Variants in CEACAM8 observed in about 807,000 individuals in gnomAD.
CEACAM8 encodes the protein CEA cell adhesion molecule 8.
A neutral mutation model predicts 33.4 loss-of-function variants in CEACAM8; 31 were observed. The ratio of observed to expected loss-of-function variants is 0.93; its 90% confidence interval spans 0.70 to 1.25. The LOEUF is 1.25. Among genes scored for constraint, CEACAM8 ranks in the 50% most tolerant of loss-of-function variants. The pLI, the probability that CEACAM8 is intolerant of heterozygous loss-of-function variation, is 0.00. For synonymous variants in CEACAM8, 138 were observed against 164.5 expected, an observed-to-expected ratio of 0.84 and a Z score of 1.23; for missense variants, 388 against 434.6, an observed-to-expected ratio of 0.89 and a Z score of 0.95.
chr19:42,585,313 C>CAAAAAAAAAAAAAAAAAAAAA (rs34190972), intron 4 of CEACAM8, among the ~76,000 whole-genome samples: 1 of 61,956 alleles, frequency 1.6e-5, no homozygotes, highest in African/African-American at 4.9e-5. Flanking sequence ...CTCTCTCTCT[C>CAAAAAAAAAAAAAAAAAAAAA]AAAAAAAAAA....
intron 5 of CEACAM8, chr19:42,582,988 TG>T (rs1169822424): frequency 4.5e-6 from 2 of 443,700 alleles, no homozygotes; most frequent in African/African-American, 4.1e-5. Flanking sequence ...GTATTGAATC[TG>T]GGAAACAAAT....
chr19:42,587,158 T>C (rs1301048920), intron 4 of CEACAM8, among the ~76,000 whole-genome samples: 1 of 152,220 alleles, frequency 6.6e-6, no homozygotes, highest in East Asian at 1.9e-4. Flanking sequence ...GTGTGAAATG[T>C]TATAGCCACT....
chr19:42,588,866 C>G lies in CEACAM8; in HGVS notation c.876G>C (p.Lys292Asn), dbSNP rs1306657695. ...TGTGGCAGGCATAGGATCCGCTGTTCTTTGTAGTGATGTTGGGGATAAAGA... is the reference window on the plus strand; with the variant it reads ...TGTGGCAGGCATAGGATCCGCTGTTGTTTGTAGTGATGTTGGGGATAAAGA... ...QKLFIPNITT[K>N]NSGSYACHTT... Residue 292 changes from lysine to asparagine, a missense_variant, in exon 4 of 6, where the codon AAG becomes AAC. Transcript: ENST00000244336. 6.2e-7 allele frequency: 1 copy of G among 1,613,994 alleles called. No individual in the cohort carries two copies. Among genetic ancestry groups the G allele is most frequent in the Non-Finnish European group, 8.5e-7 (1 of 1,180,022 alleles).
intron 1 of CEACAM8, among the ~76,000 whole-genome samples, chr19:42,594,527 T>C (rs749325416): frequency 1.1e-4 from 17 of 152,204 alleles, no homozygotes; most frequent in Admixed American, 6.5e-4. Context: ...TTTCAAAATG[T>C]AGTGGCCAGT....
intron 4 of CEACAM8, among the ~76,000 whole-genome samples, chr19:42,585,298 T>C (rs1284674517): frequency 7.2e-6 from 1 of 139,702 alleles, no homozygotes. Context: ...GTGAGACTCG[T>C]CTTTCTCTCT....
chr19:42,584,910 T>C (rs1338343423), intron 4 of CEACAM8, among the ~76,000 whole-genome samples: 1 of 152,180 alleles, frequency 6.6e-6, no homozygotes, highest in African/African-American at 2.4e-5. Flanking sequence ...AACCAAAAGT[T>C]GGTTCTTCAA....
intron 4 of CEACAM8, among the ~76,000 whole-genome samples, chr19:42,586,879 C>T (rs747473337): frequency 3.9e-5 from 6 of 151,994 alleles, no homozygotes; most frequent in Non-Finnish European, 8.8e-5. Context: ...TACTACAAAT[C>T]CACAACAGCA....
chr19:42,593,944 T>C (rs763714100), intron 1 of CEACAM8, 44 bp from the exon 2 acceptor site: 13 of 1,531,304 alleles, frequency 8.5e-6, no homozygotes, highest in East Asian at 4.5e-5. Flanking sequence ...AACATATGTA[T>C]TGGAGTAGAA....
chr19:42,591,526 A>G (rs1032141741), intron 2 of CEACAM8, among the ~76,000 whole-genome samples: 1 of 152,242 alleles, frequency 6.6e-6, no homozygotes, highest in Admixed American at 6.5e-5. Context: ...TCCTATGCAG[A>G]GTTAGGCAAA....
chr19:42,591,005 A>C (rs1312570427), intron 2 of CEACAM8, among the ~76,000 whole-genome samples: 1 of 152,224 alleles, frequency 6.6e-6, no homozygotes, highest in Non-Finnish European at 1.5e-5. Flanking sequence ...CCCAAATCCA[A>C]AATGCTCCAG....
intron 4 of CEACAM8, 111 bp from the exon 5 acceptor site, chr19:42,583,448 A>G (rs1313247721): frequency 1.8e-5 from 13 of 713,510 alleles, no homozygotes; most frequent in Non-Finnish European, 2.9e-5. Context: ...TTTTCAAGGA[A>G]TACATTATTT....
chr19:42,587,436 A>G (rs571299052), intron 4 of CEACAM8, among the ~76,000 whole-genome samples: 2 of 152,370 alleles, frequency 1.3e-5, no homozygotes, highest in South Asian at 4.1e-4. Context: ...ATTCTGATAC[A>G]TGGTGCAAAA....
chr19:42,582,277 T>TGTGTG (rs2042272295), intron 5 of CEACAM8, among the ~76,000 whole-genome samples: 1 of 152,136 alleles, frequency 6.6e-6, no homozygotes, highest in Non-Finnish European at 1.5e-5. Context: ...GTGATTCCAA[T>TGTGTG]GTGTGGCTAT....
At chr19:42,585,172 C>T (rs1247690299) in intron 4 of CEACAM8, among the ~76,000 whole-genome samples, 1 of 151,940 alleles carries the variant, frequency 6.6e-6, no homozygotes, top group Non-Finnish European at 1.5e-5. Flanking sequence ...ATGGTATGCA[C>T]CTGTAGTTTC....
In CEACAM8 at chr19:42,593,908, G is replaced by C. The variant is rs773490700; in HGVS notation, c.65-8C>G. 10 of 1,567,444 alleles carry C rather than the reference G, an allele frequency of 6.4e-6. No homozygotes were observed. Among genetic ancestry groups the C allele is most frequent in the African/African-American group, 2.7e-5 (2 of 73,322 alleles). On this transcript the variant is annotated splice_region_variant and splice_polypyrimidine_tract_variant and intron_variant, in intron 1 of 5. Transcript: ENST00000244336. ...AGAAGGTGAAAAGTGAGGCTAGGAGGGGGAGAGAGCATCAAGCAATATTGC... is the reference window on the plus strand; with the variant it reads ...AGAAGGTGAAAAGTGAGGCTAGGAGCGGGAGAGAGCATCAAGCAATATTGC...
chr19:42,585,606 A>G (rs983401797), intron 4 of CEACAM8, among the ~76,000 whole-genome samples: 1 of 152,214 alleles, frequency 6.6e-6, no homozygotes, highest in African/African-American at 2.4e-5. Flanking sequence ...CAATATAATA[A>G]AGGCAGTATG....
At position 42,594,742 on chromosome 19, in the gene CEACAM8, T is replaced by G. The variant is rs758241521; in HGVS notation, c.64+23A>C. ...TCACTGTGTTTCCTCCTCCTGTCCT[T>G]TCCCAGGAAGTCCTCTCCTCACCTG... On this transcript the variant is annotated intron_variant, in intron 1 of 5. Transcript: ENST00000244336. 8 of 1,592,592 alleles carry G rather than the reference T, an allele frequency of 5.0e-6. No individual in the cohort carries two copies. The Admixed American group carries it at 1.3e-4, about 27-fold the overall frequency.
chr19:42,588,593 C>A (rs1267917955), intron 4 of CEACAM8, among the ~76,000 whole-genome samples, 191 bp downstream of exon 4: 1 of 152,040 alleles, frequency 6.6e-6, no homozygotes, highest in Non-Finnish European at 1.5e-5. Flanking sequence ...CCGAGGTCAG[C>A]CAAGAGAAAT....
In CEACAM8 at chr19:42,593,582, T is replaced by C. The variant is rs781523598; in HGVS notation, c.383A>G (p.Asn128Ser). 1.3e-6 allele frequency: 2 copies of C among 1,595,980 alleles called. No individual in the cohort carries two copies. ...GSYTLQVIKL[N>S]LMSEEVTGQF... ...GCCAGTTACTTCTTCACTCATAAGA[T>C]TTAGCTTTATGACTTGTAGGGTGTA... Residue 128 changes from asparagine to serine, a missense_variant, in exon 2 of 6, where the codon AAT becomes AGT. Physicochemically the swap from Asn to Ser is conservative, Grantham distance 46. Transcript: ENST00000244336.
Sources: gnomAD v4.1 joint callset for allele counts (sites outside exome capture counted in the v4.1 genomes callset) on GRCh38, gnomAD v4.1.1 for gene constraint, MANE v1.5 for transcripts, NCBI Gene and HGNC (gene_info 2026-07-23, HGNC 2026-07-21) for gene names.